The following ALK variants were observed in gnomAD, a reference collection of about 807,000 sequenced individuals.
The protein encoded by ALK is ALK tyrosine kinase receptor.
In ALK, 74 loss-of-function variants were observed where a neutral mutation model predicts 163.1. The ratio of observed to expected loss-of-function variants is 0.45; its 90% CI spans 0.38 to 0.55. ALK has a LOEUF of 0.55. Among genes scored for constraint, ALK ranks in the 20% least tolerant of loss-of-function variants. The probability of loss-of-function intolerance (pLI) is 0.00; values close to 1 mark genes in which losing one functional copy is unlikely to be tolerated. For missense variants in ALK, 2,063 were observed against 2,105.3 expected (o/e 0.98, Z 0.39); for synonymous variants, 960 against 843.2 (o/e 1.14, Z -2.40).
chr2:29,356,743 T>C (rs573774261), intron 5 of ALK, among the ~76,000 whole-genome samples: 10 of 152,144 alleles, frequency 6.6e-5, no homozygotes, highest in Admixed American at 1.3e-4. Context: ...TCCAAATAAA[T>C]AAAGAAAATC....
intron 4 of ALK, among the ~76,000 whole-genome samples, chr2:29,507,248 A>G (rs1395206469): frequency 6.6e-6 from 1 of 152,260 alleles, no homozygotes; most frequent in Non-Finnish European, 1.5e-5. Flanking sequence ...CCTTGAGCAC[A>G]TTATGCTAAG....
At chr2:29,565,352 G>A (rs1674148716) in intron 3 of ALK, among the ~76,000 whole-genome samples, 1 of 152,172 alleles carries the variant, frequency 6.6e-6, no homozygotes, top group Non-Finnish European at 1.5e-5. Flanking sequence ...GAGCACGGAA[G>A]GGCAGGAAGA....
chr2:29,467,823 C>G (rs548452293), intron 4 of ALK, among the ~76,000 whole-genome samples: 21 of 152,146 alleles, frequency 1.4e-4, no homozygotes, highest in Non-Finnish European at 2.5e-4. Flanking sequence ...AAATGTACAA[C>G]AACTCTTCTC....
Position 29,275,474 on chromosome 2 carries a change from A to G in ALK, c.1840T>C (p.Trp614Arg). The G allele has an allele frequency of 1.9e-6, 3 of 1,614,204 alleles. No individual in the cohort carries two copies. The South Asian group carries it at 3.3e-5, about 18-fold the overall frequency. Residue 614 changes from tryptophan (W) to arginine (R), a missense_variant, in exon 10 of 29, where the codon TGG becomes CGG. Physicochemically the swap from Trp to Arg is moderately radical, Grantham distance 101 (BLOSUM62 -3). This residue lies in a region of ALK where 987 missense variants were observed against 939.5 expected (regional missense o/e 1.05). Coordinates refer to ENST00000389048, the MANE Select transcript of ALK (RefSeq NM_004304.5). ...ATGGCTCTGGATCCTTGTCCCCACC[A>G]TGCGACCATCTGCAGCCAGAACCTG... ...SDRFWLQMVA[W>R]WGQGSRAIVA...
intron 5 of ALK, among the ~76,000 whole-genome samples, chr2:29,328,783 C>G (rs1667352755): frequency 6.6e-6 from 1 of 152,142 alleles, no homozygotes; most frequent in African/African-American, 2.4e-5. Flanking sequence ...CGGGGGTCCT[C>G]AAACCCATGA....
intron 8 of ALK, among the ~76,000 whole-genome samples, chr2:29,316,624 G>A (rs1385424182): frequency 6.6e-6 from 1 of 152,022 alleles, no homozygotes; most frequent in African/African-American, 2.4e-5. Context: ...CGTCCTCTCC[G>A]GTGGGCCAAC....
At chr2:29,820,976 G>T (rs1353700225) in intron 1 of ALK, among the ~76,000 whole-genome samples, 4 of 152,206 alleles carry the variant, frequency 2.6e-5, no homozygotes, top group African/African-American at 9.6e-5. Context: ...GTAGAGCAGA[G>T]TGATGCTGTG....
intron 3 of ALK, among the ~76,000 whole-genome samples, chr2:29,658,972 C>T (rs566527851): frequency 6.6e-6 from 1 of 152,030 alleles, no homozygotes; most frequent in African/African-American, 2.4e-5. Context: ...ACGAAAAAAT[C>T]AAATTGGGAG....
rs1340912699 is a variant in ALK at position 29,222,600 on chromosome 2, C to A, written c.3367G>T (p.Gly1123Cys). The change falls in exon 21 of 29, where the codon GGC becomes TGC. Residue 1123 changes from glycine (G) to cysteine (C), a missense_variant. Physicochemically the swap from Gly to Cys is radical, Grantham distance 159 (BLOSUM62 -3). Coordinates refer to ENST00000389048, the MANE Select transcript of ALK (RefSeq NM_004304.5). ...RKNITLIRGL[G>C]HGAFGEVYEG... ...TACACCTCCCCAAAGGCGCCATGGC[C>A]CAGACCCCTGTGCAAAGGAGAAGAC... The A allele has an allele frequency of 6.2e-7, 1 of 1,613,782 alleles. No individual in the cohort carries two copies. The highest frequency in any genetic ancestry group is 8.5e-7 in the Non-Finnish European group (1 of 1,179,928).
At chr2:29,321,647 G>A (rs1434652452) in intron 6 of ALK, among the ~76,000 whole-genome samples, 1 of 152,152 alleles carries the variant, frequency 6.6e-6, no homozygotes, top group African/African-American at 2.4e-5. Context: ...CTATATTGAC[G>A]GAGGAGCCTC....
chr2:29,220,616 A>G (rs1669774306), intron 23 of ALK, 90 bp downstream of exon 23: 6 of 1,588,988 alleles, frequency 3.8e-6, no homozygotes, highest in Non-Finnish European at 4.3e-6. Flanking sequence ...CCATCGAGGA[A>G]CTTGCTACCC....
chr2:29,913,192 C>A (rs1382921458), intron 1 of ALK, among the ~76,000 whole-genome samples: 1 of 152,134 alleles, frequency 6.6e-6, no homozygotes, highest in Admixed American at 6.5e-5. Context: ...CAAGGGAGAT[C>A]TTCTCTGCCC....
At chr2:29,602,049 C>T (rs1270309959) in intron 3 of ALK, among the ~76,000 whole-genome samples, 1 of 152,156 alleles carries the variant, frequency 6.6e-6, no homozygotes, top group East Asian at 1.9e-4. Context: ...AAAAGGCTAA[C>T]ACCTAGTTTA....
chr2:29,590,091 C>G (rs940069013), intron 3 of ALK, among the ~76,000 whole-genome samples: 7 of 152,206 alleles, frequency 4.6e-5, no homozygotes, highest in African/African-American at 1.4e-4. Flanking sequence ...AAATGAACTT[C>G]TCCACCAGCC....
intron 1 of ALK, among the ~76,000 whole-genome samples, chr2:29,719,704 C>A (rs759185540): frequency 6.6e-5 from 10 of 152,132 alleles, no homozygotes; most frequent in Non-Finnish European, 1.3e-4. Flanking sequence ...CAGCAGGAGA[C>A]AGGAAATCAG....
intron 4 of ALK, among the ~76,000 whole-genome samples, chr2:29,476,056 A>G (rs1225883951): frequency 2.0e-5 from 3 of 152,164 alleles, no homozygotes; most frequent in African/African-American, 7.2e-5. Flanking sequence ...AGCGCTGCCT[A>G]TGGGCGGGAG....
intron 13 of ALK, among the ~76,000 whole-genome samples, chr2:29,234,623 C>T (rs1418297952): frequency 6.6e-6 from 1 of 152,160 alleles, no homozygotes; most frequent in Non-Finnish European, 1.5e-5. Flanking sequence ...GACAGGGGCC[C>T]TCGATCTCTG....
chr2:29,662,315 T>C (rs1373182466), intron 3 of ALK, among the ~76,000 whole-genome samples: 1 of 152,132 alleles, frequency 6.6e-6, no homozygotes, highest in African/African-American at 2.4e-5. Context: ...ATTCTGCACC[T>C]TGTGAAAGTC....
chr2:29,399,419 G>A (rs548959505), intron 4 of ALK, among the ~76,000 whole-genome samples: 126 of 152,238 alleles, frequency 8.3e-4, no homozygotes, highest in African/African-American at 2.6e-3. Context: ...AACCCCCACC[G>A]CCCAACTAAT....
Sources: gnomAD v4.1 joint callset for allele counts (sites outside exome capture counted in the v4.1 genomes callset) on GRCh38, gnomAD v4.1.1 for gene constraint, gnomAD v4.1.1 regional missense constraint, MANE v1.5 for transcripts, NCBI Gene and HGNC (gene_info 2026-07-23, HGNC 2026-07-21) for gene names.